Variants in E2F2 observed in about 807,000 individuals in gnomAD.
E2F2 encodes the protein transcription factor E2F2.
A neutral mutation model predicts 42.2 loss-of-function variants in E2F2; 22 were observed. The ratio of observed to expected loss-of-function variants is 0.52; its 90% CI spans 0.37 to 0.74. The LOEUF is 0.74. Ranked by LOEUF, E2F2 falls within the 30% of genes least tolerant of loss-of-function variation. E2F2 has a pLI of 0.00. For missense variants in E2F2, 481 were observed against 557.8 expected (o/e 0.86, Z 1.39); for synonymous variants, 248 against 251.6 (o/e 0.99, Z 0.13).
At chr1:23,520,011 G>A (rs568656479) in intron 4 of E2F2, among the ~76,000 whole-genome samples, 12 of 151,242 alleles carry the variant, frequency 7.9e-5, no homozygotes, top group African/African-American at 2.9e-4. Context: ...CCAGGGGGCA[G>A]AGGTTGCAGT....
Position 23,522,057 on chromosome 1 carries a change from C to T in E2F2, c.359-1G>A. 6.2e-7 allele frequency: 1 copy of T among 1,613,604 alleles called. No homozygotes were observed. Among genetic ancestry groups the T allele is most frequent in the East Asian group, 2.2e-5 (1 of 44,868 alleles). On this transcript the variant is annotated splice_acceptor_variant, in intron 2 of 6. Transcript: ENST00000361729. LOFTEE classifies it high-confidence loss of function. ...GTCTTCTCCCCGGGGGATTTGGGGGCTGAAGAAGAAAGGGACCCAGTCACA... is the reference window on the plus strand; with the variant it reads ...GTCTTCTCCCCGGGGGATTTGGGGGTTGAAGAAGAAAGGGACCCAGTCACA...
chr1:23,516,644 C>T, intron 5 of E2F2, 117 bp from the exon 6 acceptor site: 2 of 805,318 alleles, frequency 2.5e-6, no homozygotes, highest in Non-Finnish European at 3.7e-6. Flanking sequence ...AAACCCTGGG[C>T]TGGCACTGAG....
At chr1:23,515,203 C>T (rs1317409324) in intron 6 of E2F2, among the ~76,000 whole-genome samples, 2 of 152,242 alleles carry the variant, frequency 1.3e-5, no homozygotes, top group African/African-American at 4.8e-5. Flanking sequence ...CCAGTCTAGC[C>T]GGATGTGTGA....
At chr1:23,528,641 A>G (rs1350752929) in intron 1 of E2F2, among the ~76,000 whole-genome samples, 2 of 152,312 alleles carry the variant, frequency 1.3e-5, no homozygotes, top group East Asian at 3.9e-4. Flanking sequence ...AAGAGTGCCA[A>G]GCAGTGTCTG....
In E2F2 at chr1:23,530,099, GAGACCCACT is replaced by G. The variant is rs1643313354; in HGVS notation, c.252+434_252+442del. 1.3e-5 allele frequency among the ~76,000 whole-genome samples: 2 copies of G among 152,326 alleles called. No individual in the cohort carries two copies. The highest frequency in any genetic ancestry group is 4.1e-4 in the South Asian group (2 of 4,832). ...TCTGTCCATGGCAGATTGGATGTGA[GAGACCCACT>G]AGACCTATCCCTCTGTCTTACCAAA... On this transcript the variant is annotated intron_variant, in intron 1 of 6. Transcript: ENST00000361729. This position sits in a 1 kb window ranked among gnomAD's most constrained non-coding sequence, Gnocchi z 4.4.
At chr1:23,520,194 C>T (rs1223474659) in intron 4 of E2F2, among the ~76,000 whole-genome samples, 1 of 131,730 alleles carries the variant, frequency 7.6e-6, no homozygotes. Context: ...TGCAGCGAGC[C>T]GAGATTGTGC....
rs542216011 is a variant in E2F2, at chr1:23,518,071, T to G, written c.852+945A>C. On this transcript the variant is annotated intron_variant, in intron 5 of 6. Transcript: ENST00000361729. ...CTGTGGTCCCAGCTACTCAGGAGGG[T>G]GAGGTGGGAGGATGGCTTGAACCCG... 1.4e-4 allele frequency among the ~76,000 whole-genome samples: 21 copies of G among 150,800 alleles called. No individual in the cohort carries two copies. In the East Asian group the frequency reaches 2.9e-3, roughly 21 times the overall value.
chr1:23,516,945 G>T (rs1449580366), intron 5 of E2F2, among the ~76,000 whole-genome samples: 1 of 152,106 alleles, frequency 6.6e-6, no homozygotes, highest in East Asian at 1.9e-4. Flanking sequence ...TGCTGGACTT[G>T]TGGGAAATGG....
chr1:23,510,568 G>A (rs1642890756), intron 6 of E2F2, among the ~76,000 whole-genome samples: 2 of 152,074 alleles, frequency 1.3e-5, no homozygotes, highest in Non-Finnish European at 2.9e-5. Context: ...CAAGTGATCG[G>A]CCTTCCAAAG....
chr1:23,521,761 C>A, intron 3 of E2F2, 76 bp downstream of exon 3: 2 of 1,578,364 alleles, frequency 1.3e-6, no homozygotes, highest in South Asian at 1.2e-5. Flanking sequence ...CACTCACACC[C>A]ACTGGCTATT....
intron 6 of E2F2, among the ~76,000 whole-genome samples, chr1:23,515,556 T>C (rs1165679139): frequency 1.3e-5 from 2 of 152,144 alleles, no homozygotes; most frequent in South Asian, 4.1e-4. Context: ...AATTTTATTA[T>C]TTTATTTTTA....
In E2F2 at chr1:23,518,472, A is replaced by AAAAT. The variant is rs56023276; in HGVS notation, c.852+540_852+543dup. On this transcript the variant is annotated intron_variant, in intron 5 of 6. Transcript: ENST00000361729. ...GGCAACAGAGTGAGACTCTGTCTCA[A>AAAAT]AAATAAATAAATAAATAAATAAATA... Among the ~76,000 whole-genome samples the AAAAT allele has an allele frequency of 7.1e-3, 1,065 of 150,102 alleles. 6 individuals are homozygous for AAAAT. The highest frequency in any genetic ancestry group is 9.1e-3 in the Non-Finnish European group (611 of 67,426).
chr1:23,510,268 A>C, intron 6 of E2F2, 120 bp from the exon 7 acceptor site: 1 of 1,413,116 alleles, frequency 7.1e-7, no homozygotes, highest in South Asian at 1.6e-5. Flanking sequence ...GCCTGGGTGG[A>C]CTGTCGTGCT....
At chr1:23,514,557 A>G (rs1379583300) in intron 6 of E2F2, among the ~76,000 whole-genome samples, 3 of 151,974 alleles carry the variant, frequency 2.0e-5, no homozygotes, top group African/African-American at 7.3e-5. Flanking sequence ...ACTTCTATAA[A>G]GAGCTGGAGC....
rs1161338005 is a variant in E2F2, at chr1:23,506,620, A to C, written c.*3260T>G. ...TGCCACAGGCAAGGTTCTTCAGCTC[A>C]CCCAGGAGCCAGCAGGCTGGCCAGG... is the stretch of plus-strand genomic sequence containing the variant. On this transcript the variant is annotated 3_prime_UTR_variant, in exon 7 of 7. Coordinates refer to ENST00000361729, the MANE Select transcript of E2F2 (RefSeq NM_004091.4). The C allele has an allele frequency of 6.6e-6, 1 of 152,250 alleles. No homozygotes were observed. Among genetic ancestry groups the C allele is most frequent in the Non-Finnish European group, 1.5e-5 (1 of 68,082 alleles). 9.4% of individuals were successfully genotyped at this position (152,250 alleles called of 1,614,324 possible). A position where few individuals can be genotyped will look rare whatever the true frequency, so the allele number is the denominator to read the frequency against.
rs376397829 is a variant in E2F2 at position 23,522,043 on chromosome 1, G to A, written c.372C>T (p.Pro124=). ...AAGTGTCATACCGAGTCTTCTCCCCGGGGGATTTGGGGGCTGAAGAAGAAA... is the reference window on the plus strand; with the variant it reads ...AAGTGTCATACCGAGTCTTCTCCCCAGGGGATTTGGGGGCTGAAGAAGAAA... ...GLPSPKTPKS[P]GEKTRYDTSL... Residue 124 remains proline, a synonymous_variant, in exon 3 of 7, where the codon CCC becomes CCT. Coordinates refer to ENST00000361729, the MANE Select transcript of E2F2 (RefSeq NM_004091.4). 30 of 1,613,730 alleles carry A rather than the reference G, an allele frequency of 1.9e-5. No individual in the cohort carries two copies. Among genetic ancestry groups the A allele is most frequent in the Middle Eastern group, 1.6e-4 (1 of 6,084 alleles).
chr1:23,505,223 T>C (rs1324523452), downstream of E2F2, among the ~76,000 whole-genome samples: 1 of 152,126 alleles, frequency 6.6e-6, no homozygotes, highest in African/African-American at 2.4e-5. Context: ...AAGTTGTAAA[T>C]AGCCATTTAT....
chr1:23,515,649 G>A (rs918798177), intron 6 of E2F2, among the ~76,000 whole-genome samples: 1 of 151,486 alleles, frequency 6.6e-6, no homozygotes, highest in African/African-American at 2.4e-5. Flanking sequence ...GCTTCCCAGA[G>A]TGCTGGGATT....
downstream of E2F2, among the ~76,000 whole-genome samples, chr1:23,505,766 G>A (rs56003364): frequency 4.6e-3 from 706 of 152,160 alleles, 4 homozygotes; most frequent in South Asian, 8.9e-3. Flanking sequence ...GCCCGCCTTG[G>A]ACTCTCGAAG....
Sources: gnomAD v4.1 joint callset for allele counts (sites outside exome capture counted in the v4.1 genomes callset) on GRCh38, gnomAD v4.1.1 for gene constraint, Gnocchi (gnomAD v3.1) non-coding constraint, MANE v1.5 for transcripts, NCBI Gene and HGNC (gene_info 2026-07-23, HGNC 2026-07-21) for gene names.